UFSP2: variants seen among roughly 807,000 people sequenced by gnomAD.
The protein encoded by UFSP2 is UFM1 specific peptidase 2.
In UFSP2, 43 loss-of-function variants were observed where a neutral mutation model predicts 60.2. That is an observed-to-expected ratio of 0.71 (90% confidence interval 0.56 to 0.92). UFSP2 has a LOEUF of 0.92. Ranked by LOEUF, UFSP2 falls within the 40% of genes least tolerant of loss-of-function variation. The pLI is 0.00. For missense variants in UFSP2, 520 were observed against 575.0 expected (o/e 0.90, Z 0.98); for synonymous variants, 183 against 195.1 (o/e 0.94, Z 0.52).
intron 11 of UFSP2, chr4:185,402,303 GCA>G (rs1243743404): frequency 2.2e-6 from 1 of 454,988 alleles, no homozygotes; most frequent in East Asian, 7.0e-5. Context: ...TAAGATACAT[GCA>G]CCAGTCAAAA....
chr4:185,415,017 G>A lies in UFSP2; in HGVS notation c.684+138C>T, dbSNP rs2095535859. The A allele has an allele frequency of 1.3e-5, 9 of 679,372 alleles. No individual in the cohort carries two copies. In the South Asian group the frequency reaches 2.0e-4, roughly 15 times the overall value. The allele number at this position is 679,372 out of a possible 1,614,324, so 42.1% of individuals were successfully genotyped here. A position where few individuals can be genotyped will look rare whatever the true frequency, so the allele number is the denominator to read the frequency against. Reference sequence around the variant, plus strand: ...TTCATGAGAACAGAAATTAAATAATGTGTAAAATGAATAGTCTAAATTCCA... The same window carrying A: ...TTCATGAGAACAGAAATTAAATAATATGTAAAATGAATAGTCTAAATTCCA... On this transcript the variant is annotated intron_variant, in intron 6 of 11. Transcript: ENST00000264689.
Position 185,424,140 on chromosome 4 carries a change from C to CA in UFSP2, c.4-1578dup, listed in dbSNP as rs5864936. Among the ~76,000 whole-genome samples, 73 of 135,212 alleles carry CA rather than the reference C, an allele frequency of 5.4e-4. No homozygotes were observed. In the South Asian group the frequency reaches 7.4e-3, roughly 14 times the overall value. The allele number at this position is 135,212 out of a possible 152,430, so 88.7% of individuals were successfully genotyped here. ...AACATAGGAAGACCCCCATCTCTAC[C>CA]AAAAAAAAAAAAAAAAATTAGCTGA... On this transcript the variant is annotated intron_variant, in intron 1 of 11. Coordinates refer to ENST00000264689, the MANE Select transcript of UFSP2 (RefSeq NM_018359.5).
At chr4:185,423,926 C>A (rs188132022) in intron 1 of UFSP2, among the ~76,000 whole-genome samples, 79 of 152,222 alleles carry the variant, frequency 5.2e-4, no homozygotes, top group Admixed American at 1.2e-3. Context: ...ATCTCTCAAA[C>A]AGGCTGAAGA....
intron 7 of UFSP2, among the ~76,000 whole-genome samples, chr4:185,413,323 G>C (rs988598568): frequency 1.3e-5 from 2 of 152,158 alleles, no homozygotes; most frequent in African/African-American, 4.8e-5. Flanking sequence ...AGGAGGCGGA[G>C]GTTGCAGTGA....
Position 185,402,018 on chromosome 4 carries a change from G to A in UFSP2, c.1323+1476C>T, listed in dbSNP as rs569091859. 3.3e-5 allele frequency among the ~76,000 whole-genome samples: 5 copies of A among 152,260 alleles called. No homozygotes were observed. The South Asian group carries it at 8.3e-4, about 25-fold the overall frequency. On this transcript the variant is annotated intron_variant, in intron 11 of 11. Coordinates refer to ENST00000264689, the MANE Select transcript of UFSP2 (RefSeq NM_018359.5). ...CTCACCTCTTCGCCTAGCTCTGGAC[G>A]CACTGATCTACCTGCAGTGCGGCTT... is the stretch of plus-strand genomic sequence containing the variant.
chr4:185,421,240 A>T (rs573703317), intron 2 of UFSP2, among the ~76,000 whole-genome samples: 15 of 152,316 alleles, frequency 9.8e-5, no homozygotes, highest in African/African-American at 3.6e-4. Context: ...GGTGGAAAAG[A>T]ATATTCTGCA....
At chr4:185,412,025 C>G (rs1307339481) in intron 7 of UFSP2, among the ~76,000 whole-genome samples, 1 of 152,082 alleles carries the variant, frequency 6.6e-6, no homozygotes, top group Admixed American at 6.5e-5. Flanking sequence ...GGAACTGTGT[C>G]GAGGAGGCAG....
At chr4:185,408,196 CAA>C in intron 8 of UFSP2, 73 bp downstream of exon 8, 9 of 1,558,384 alleles carry the variant, frequency 5.8e-6, no homozygotes, top group Non-Finnish European at 7.9e-6. Context: ...CATGAGGTAA[CAA>C]AAATTATCAA....
chr4:185,406,273 G>C, intron 9 of UFSP2: 1 of 228,834 alleles, frequency 4.4e-6, no homozygotes, highest in African/African-American at 2.2e-5. Flanking sequence ...CTTTAAATTG[G>C]GACCCAAAAC....
At position 185,400,178 on chromosome 4, in the gene UFSP2, A is replaced by T. The variant is rs2095511601; in HGVS notation, c.*214T>A. 1 of 736,142 alleles carries T rather than the reference A, an allele frequency of 1.4e-6. No homozygotes were observed. The highest frequency in any genetic ancestry group is 2.2e-6 in the Non-Finnish European group (1 of 454,520). 45.6% of individuals were successfully genotyped at this position (736,142 alleles called of 1,614,324 possible). On this transcript the variant is annotated 3_prime_UTR_variant, in exon 12 of 12. Transcript: ENST00000264689. ...TCCATTTAAGAACACATGTATTTACATGCCTATAATATGCTGGTTGTGTAT... is the reference window on the plus strand; with the variant it reads ...TCCATTTAAGAACACATGTATTTACTTGCCTATAATATGCTGGTTGTGTAT...
chr4:185,413,421 GT>G (rs1231807381), intron 7 of UFSP2, among the ~76,000 whole-genome samples: 1 of 152,034 alleles, frequency 6.6e-6, no homozygotes, highest in African/African-American at 2.4e-5. Context: ...CTACAGTGTG[GT>G]TTGGGTAGAC....
In UFSP2 at chr4:185,422,505, A is replaced by G; in HGVS notation, c.62T>C (p.Phe21Ser). ...CCTACCATTAGGAGTAGCTAGCTGA[A>G]AAGCCAAATCAAGGCCTCCTCTTAT... ...FRIRGGLDLA[F>S]QLATPNEIFL... Residue 21 changes from phenylalanine (F) to serine (S), a missense_variant, in exon 2 of 12, where the codon TTT (phenylalanine) becomes TCT (serine). Transcript: ENST00000264689. The G allele has an allele frequency of 6.2e-7, 1 of 1,611,634 alleles. No homozygotes were observed. Among genetic ancestry groups the G allele is most frequent in the Non-Finnish European group, 8.5e-7 (1 of 1,179,344 alleles).
intron 2 of UFSP2, 114 bp from the exon 3 acceptor site, chr4:185,418,884 T>A (rs1159619966): frequency 1.3e-6 from 1 of 797,838 alleles, no homozygotes; most frequent in Non-Finnish European, 1.8e-6. Flanking sequence ...ATTCCCCATA[T>A]TCAATAATAA....
At chr4:185,414,409 T>C (rs930252745) in intron 6 of UFSP2, among the ~76,000 whole-genome samples, 1 of 152,196 alleles carries the variant, frequency 6.6e-6, no homozygotes, top group African/African-American at 2.4e-5. Flanking sequence ...CCCAACTATA[T>C]AAAAACATGT....
At chr4:185,417,341 A>C (rs1168238038) in intron 4 of UFSP2, among the ~76,000 whole-genome samples, 2 of 152,210 alleles carry the variant, frequency 1.3e-5, no homozygotes, top group Non-Finnish European at 2.9e-5. Flanking sequence ...CAATTATTTT[A>C]TGCATTCTAC....
intron 7 of UFSP2, among the ~76,000 whole-genome samples, chr4:185,409,833 A>C (rs2153281467): frequency 6.6e-6 from 1 of 152,272 alleles, no homozygotes; most frequent in East Asian, 1.9e-4. Flanking sequence ...ATAGGAGGAG[A>C]AGGTAATGTG....
intron 2 of UFSP2, among the ~76,000 whole-genome samples, chr4:185,419,484 G>A (rs1187293586): frequency 6.6e-6 from 1 of 152,134 alleles, no homozygotes. Flanking sequence ...TGGGGGTGCT[G>A]GAACACAATA....
intron 11 of UFSP2, chr4:185,402,370 AC>A (rs1219004002): frequency 2.4e-5 from 11 of 449,716 alleles, no homozygotes; most frequent in Non-Finnish European, 4.9e-5. Flanking sequence ...GGAAAAAAAA[AC>A]ACTTAAAACT....
At chr4:185,408,231 A>C (rs1248704111) in intron 8 of UFSP2, 40 bp downstream of exon 8, 1 of 1,600,554 alleles carries the variant, frequency 6.2e-7, no homozygotes, top group Non-Finnish European at 8.6e-7. Context: ...GGCTAATGAA[A>C]CATACAGTTG....
Sources: allele counts gnomAD v4.1 joint callset (sites outside exome capture counted in the v4.1 genomes callset), GRCh38; gene constraint gnomAD v4.1.1; transcripts MANE v1.5; gene names NCBI Gene and HGNC (gene_info 2026-07-23, HGNC 2026-07-21).